Variants in CYB5D2 observed in about 807,000 individuals in gnomAD.
CYB5D2 encodes neuferricin.
In CYB5D2, 23 loss-of-function variants were observed where a neutral mutation model predicts 22.8. The ratio of observed to expected loss-of-function variants is 1.01; its 90% confidence interval spans 0.73 to 1.43. The LOEUF is 1.43. CYB5D2 is among the 40% of genes most tolerant of loss of function. The probability of loss-of-function intolerance (pLI) is 0.00; values close to 1 mark genes in which losing one functional copy is unlikely to be tolerated. For synonymous variants in CYB5D2, 170 were observed against 152.2 expected (o/e 1.12, Z -0.86); for missense variants, 373 against 357.2 (o/e 1.04, Z -0.36).
At position 4,144,062 on chromosome 17, in the gene CYB5D2, G is replaced by T. The variant is rs1247592252; in HGVS notation, c.250+57G>T. 11 of 1,526,028 alleles carry T rather than the reference G, an allele frequency of 7.2e-6. No individual in the cohort carries two copies. The African/African-American group carries it at 1.5e-4, about 21-fold the overall frequency. 94.5% of individuals were successfully genotyped at this position (1,526,028 alleles called of 1,614,324 possible). On this transcript the variant is annotated intron_variant, in intron 1 of 3. Coordinates refer to ENST00000301391, the MANE Select transcript of CYB5D2 (RefSeq NM_144611.4). The stretch of plus-strand genomic sequence containing the variant: ...CGCTGGCGCGAGCCAGTAGCCACCT[G>T]CGCGTCGTTCGTTGGTTCATTATTC...
intron 2 of CYB5D2, among the ~76,000 whole-genome samples, chr17:4,153,887 T>C (rs1225298493): frequency 6.6e-6 from 1 of 152,252 alleles, no homozygotes; most frequent in Non-Finnish European, 1.5e-5. Flanking sequence ...GAATCTCAGA[T>C]GCGCTGAACA....
chr17:4,149,877 C>T lies in CYB5D2; in HGVS notation c.251-14C>T, dbSNP rs759501201. 6.2e-7 allele frequency: 1 copy of T among 1,609,254 alleles called. No individual in the cohort carries two copies. Among genetic ancestry groups the T allele is most frequent in the East Asian group, 2.2e-5 (1 of 44,728 alleles). On this transcript the variant is annotated splice_polypyrimidine_tract_variant and intron_variant, in intron 1 of 3. Coordinates refer to ENST00000301391, the MANE Select transcript of CYB5D2 (RefSeq NM_144611.4). ...GGTTTACACCTGGGTCTGATGGAAA[C>T]ATCTCTGTTCCAGGCCGAGACGCAT...
At chr17:4,150,964 C>T (rs913453422) in intron 2 of CYB5D2, 2 of 152,270 alleles carry the variant, frequency 1.3e-5, no homozygotes, top group Non-Finnish European at 2.9e-5. Context: ...TCACTGGAGT[C>T]CTACTTGGAC....
At chr17:4,150,649 C>G (rs8076592) in intron 2 of CYB5D2, among the ~76,000 whole-genome samples, 106,242 of 152,016 alleles carry the variant, frequency 0.7, 38,722 homozygotes, top group East Asian at 0.92. Context: ...CTTTGGGAGG[C>G]TGAGGCGGTT....
chr17:4,154,483 C>T (rs555278298), intron 2 of CYB5D2, among the ~76,000 whole-genome samples, 191 bp from the exon 3 acceptor site: 16 of 152,322 alleles, frequency 1.1e-4, no homozygotes, highest in South Asian at 6.2e-4. Context: ...AAGAGGGATG[C>T]AGCTGTGTGG....
intron 1 of CYB5D2, 87 bp from the exon 2 acceptor site, chr17:4,149,798 CAAAAAA>C (rs138353200): frequency 6.7e-6 from 9 of 1,338,936 alleles, no homozygotes; most frequent in Non-Finnish European, 9.0e-6. Flanking sequence ...GACTCCGTCT[CAAAAAA>C]AAAAGAAAAA....
At chr17:4,144,576 C>G (rs1047478006) in intron 1 of CYB5D2, among the ~76,000 whole-genome samples, 1 of 152,114 alleles carries the variant, frequency 6.6e-6, no homozygotes, top group African/African-American at 2.4e-5. Context: ...GTTTGCCTTC[C>G]TTAGAAGGTT....
rs895291683 is a variant in CYB5D2 at position 4,157,248 on chromosome 17, CG to C, written c.*167del. On this transcript the variant is annotated 3_prime_UTR_variant, in exon 4 of 4. Coordinates refer to ENST00000301391, the MANE Select transcript of CYB5D2 (RefSeq NM_144611.4). This position sits in a 1 kb window ranked among gnomAD's most constrained non-coding sequence, Gnocchi z 4.4. ...GCTCATGCCCCTTACCGTGGCTCGG[CG>C]TTGTGGTGCCTGAGGGACAGCCGGC... is the stretch of plus-strand genomic sequence containing the variant. The C allele has an allele frequency of 5.4e-5, 42 of 782,042 alleles. No individual in the cohort carries two copies. The African/African-American group carries it at 7.1e-4, about 13-fold the overall frequency. The allele number at this position is 782,042 out of a possible 1,614,324, so 48.4% of individuals were successfully genotyped here. A position where few individuals can be genotyped will look rare whatever the true frequency, so the allele number is the denominator to read the frequency against.
chr17:4,152,884 TCTC>T (rs1485885958), intron 2 of CYB5D2, among the ~76,000 whole-genome samples: 1 of 152,164 alleles, frequency 6.6e-6, no homozygotes, highest in African/African-American at 2.4e-5. Flanking sequence ...TTCAAGCAGT[TCTC>T]CTGCCTCAGC....
At position 4,143,703 on chromosome 17, in the gene CYB5D2, G is replaced by A; in HGVS notation, c.-53G>A. 6.4e-7 allele frequency: 1 copy of A among 1,560,114 alleles called. No homozygotes were observed. The highest frequency in any genetic ancestry group is 1.4e-5 in the African/African-American group (1 of 73,518). On this transcript the variant is annotated 5_prime_UTR_variant, in exon 1 of 4. The change abolishes the stop of an existing upstream ORF in the 5' untranslated region. Coordinates refer to ENST00000301391, the MANE Select transcript of CYB5D2 (RefSeq NM_144611.4). ...CACGCTCGGCGTCTCGGCCATCTTA[G>A]CTGTAGATAGAGGCGGCAACCTCGG...
At chr17:4,151,732 C>T (rs2059060268) in intron 2 of CYB5D2, among the ~76,000 whole-genome samples, 1 of 149,606 alleles carries the variant, frequency 6.7e-6, no homozygotes, top group Admixed American at 6.7e-5. Flanking sequence ...GAGTCCAGAC[C>T]GGTGGCTCAT....
intron 1 of CYB5D2, among the ~76,000 whole-genome samples, chr17:4,146,438 T>C (rs944981306): frequency 1.3e-5 from 2 of 151,988 alleles, no homozygotes; most frequent in Non-Finnish European, 1.5e-5. Flanking sequence ...TCGCCCAGGC[T>C]AGAGTGCAGT....
At chr17:4,145,260 A>G (rs975211699) in intron 1 of CYB5D2, among the ~76,000 whole-genome samples, 6 of 152,242 alleles carry the variant, frequency 3.9e-5, no homozygotes, top group Admixed American at 1.3e-4. Flanking sequence ...TCTAGCACTT[A>G]AAATACAAGC....
Position 4,154,850 on chromosome 17 carries a change from T to G in CYB5D2, c.568T>G (p.Ser190Ala). The G allele has an allele frequency of 6.2e-7, 1 of 1,612,456 alleles. No homozygotes were observed. Among genetic ancestry groups the G allele is most frequent in the South Asian group, 1.1e-5 (1 of 91,002 alleles). ...AGCCAGGGGCAGCCGGCTCTGGTGC[T>G]CCCAGAAGAGGTAAGCAGGCTCCCC... ...SSARGSRLWC[S>A]QKSGGVSRDW... Residue 190 changes from serine to alanine, a missense_variant, in exon 3 of 4, where the codon TCC becomes GCC. By Grantham distance (99) the Ser-to-Ala change is moderately conservative. Transcript: ENST00000301391.
In CYB5D2 at chr17:4,154,744, G is replaced by A. The variant is rs748080113; in HGVS notation, c.462G>A (p.Ala154=). 56 of 1,614,178 alleles carry A rather than the reference G, an allele frequency of 3.5e-5. No individual in the cohort carries two copies. The highest frequency in any genetic ancestry group is 1.6e-4 in the Middle Eastern group (1 of 6,062). Residue 154 remains alanine, a synonymous_variant, in exon 3 of 4, where the codon GCG becomes GCA. Transcript: ENST00000301391. ...PTPALTQVEA[A]ITRGLEANKL... is the part of the protein sequence containing the mutation. ...CGGCACTGACCCAGGTAGAAGCTGC[G>A]ATCACCAGAGGCTTGGAGGCCAACA...
In CYB5D2 at chr17:4,157,028, G is replaced by T. The variant is rs772348693; in HGVS notation, c.741G>T (p.Leu247Phe). The T allele has an allele frequency of 1.2e-6, 2 of 1,612,684 alleles. No homozygotes were observed. The highest frequency in any genetic ancestry group is 3.3e-5 in the Admixed American group (2 of 60,018). The change falls in exon 4 of 4, where the codon TTG becomes TTT. Residue 247 changes from leucine (L) to phenylalanine (F), a missense_variant. Leu to Phe is a conservative substitution (Grantham distance 22). Transcript: ENST00000301391. This position sits in a 1 kb window ranked among gnomAD's most constrained non-coding sequence, Gnocchi z 4.4. ...GTGGGGACCTGGACCACCCAAACTT[G>T]GCAGAGTACACAGGCTGCCCACCGC... Reference protein sequence around the residue: ...RNRGDLDHPNLAEYTGCPPLA... With the variant: ...RNRGDLDHPNFAEYTGCPPLA...
chr17:4,143,690 C>A lies in CYB5D2; in HGVS notation c.-66C>A, dbSNP rs749675893. On this transcript the variant is annotated 5_prime_UTR_variant, in exon 1 of 4. Coordinates refer to ENST00000301391, the MANE Select transcript of CYB5D2 (RefSeq NM_144611.4). ...GCGCCGATGACGTCACGCTCGGCGT[C>A]TCGGCCATCTTAGCTGTAGATAGAG... 2.6e-6 allele frequency: 4 copies of A among 1,527,234 alleles called. No individual in the cohort carries two copies. The highest frequency in any genetic ancestry group is 3.5e-6 in the Non-Finnish European group (4 of 1,137,358). The allele number at this position is 1,527,234 out of a possible 1,614,324, so 94.6% of individuals were successfully genotyped here. A position where few individuals can be genotyped will look rare whatever the true frequency, so the allele number is the denominator to read the frequency against.
chr17:4,144,030 TTCTCTCCGCTGGCGCGAGCCAGTAGCC>T (rs2058941032), intron 1 of CYB5D2, 25 bp downstream of exon 1: 6 of 1,561,312 alleles, frequency 3.8e-6, no homozygotes, highest in Non-Finnish European at 5.2e-6. Flanking sequence ...GCTCACGCCT[TTCTCTCCGCTGGCGCGAGCCAGTAGCC>T]ACCTGCGCGT....
At chr17:4,144,761 G>A (rs1206437763) in intron 1 of CYB5D2, among the ~76,000 whole-genome samples, 1 of 152,122 alleles carries the variant, frequency 6.6e-6, no homozygotes. Context: ...CCTGAATACT[G>A]ACAGAATATG....
Sources: allele counts gnomAD v4.1 joint callset (sites outside exome capture counted in the v4.1 genomes callset), GRCh38; gene constraint gnomAD v4.1.1; non-coding constraint Gnocchi (gnomAD v3.1); transcripts MANE v1.5; gene names NCBI Gene and HGNC (gene_info 2026-07-23, HGNC 2026-07-21).